The following XRCC6 variants were observed in gnomAD, a reference collection of about 807,000 sequenced individuals.
The protein encoded by XRCC6 is DNA repair protein Ku70.
Under a neutral mutation model 65.7 loss-of-function variants are expected in XRCC6, and 5 were observed. The observed-to-expected ratio is 0.08, with a 90% CI of 0.04 to 0.16. The LOEUF is 0.16. XRCC6 is among the 10% of genes least tolerant of loss of function. XRCC6 has a pLI of 1.00. For synonymous variants in XRCC6, 270 were observed against 270.6 expected, an observed-to-expected ratio of 1.00 and a Z score of 0.02; for missense variants, 447 against 738.1, an observed-to-expected ratio of 0.61 and a Z score of 4.57.
intron 8 of XRCC6, among the ~76,000 whole-genome samples, chr22:41,652,667 A>G (rs566346472): frequency 7.7e-4 from 112 of 145,036 alleles, no homozygotes; most frequent in Non-Finnish European, 8.7e-4. Flanking sequence ...CACCTGGCCA[A>G]TAATTCACTT....
chr22:41,622,270 G>C (rs1180957064), intron 2 of XRCC6, among the ~76,000 whole-genome samples, 184 bp downstream of exon 2: 1 of 152,140 alleles, frequency 6.6e-6, no homozygotes, highest in Non-Finnish European at 1.5e-5. Context: ...TCTTACTCTA[G>C]TGTGCCCTAA....
intron 8 of XRCC6, among the ~76,000 whole-genome samples, chr22:41,652,413 T>A (rs899670904): frequency 2.0e-5 from 3 of 151,376 alleles, no homozygotes; most frequent in Admixed American, 6.6e-5. Context: ...TCACCCAGGC[T>A]AGAGTCCAGT....
chr22:41,662,426 TA>T (rs758254849), intron 12 of XRCC6, among the ~76,000 whole-genome samples: 3 of 152,190 alleles, frequency 2.0e-5, no homozygotes, highest in Non-Finnish European at 4.4e-5. Context: ...CATACCAACA[TA>T]CATATTTCAG....
intron 2 of XRCC6, among the ~76,000 whole-genome samples, chr22:41,622,942 C>G (rs938838041): frequency 7.0e-6 from 1 of 143,798 alleles, no homozygotes; most frequent in African/African-American, 2.6e-5. Flanking sequence ...GAGACTCTCT[C>G]AGGAAAAAAA....
In XRCC6 at chr22:41,636,708, A is replaced by C; in HGVS notation, c.527A>C (p.His176Pro). ...IMLFTNEDNPHGNDSAKASRA... is the reference protein window; with the variant it reads ...IMLFTNEDNPPGNDSAKASRA... ...CTGTTCACCAATGAAGACAACCCCC[A>C]TGGCAATGACAGTGCCAAAGCCAGC... is the stretch of plus-strand genomic sequence containing the variant. Residue 176 changes from histidine to proline, a missense_variant, in exon 5 of 13, where the codon CAT becomes CCT. By Grantham distance (77) the His-to-Pro change is moderately conservative. This residue lies in a region of XRCC6 where 228 missense variants were observed against 307.4 expected (regional missense o/e 0.74). Transcript: ENST00000360079. 6.2e-7 allele frequency: 1 copy of C among 1,614,166 alleles called. No individual in the cohort carries two copies. Among genetic ancestry groups the C allele is most frequent in the Non-Finnish European group, 8.5e-7 (1 of 1,180,036 alleles).
At chr22:41,623,720 A>G (rs554157385) in intron 2 of XRCC6, among the ~76,000 whole-genome samples, 1 of 149,134 alleles carries the variant, frequency 6.7e-6, no homozygotes, top group African/African-American at 2.5e-5. Context: ...GATAGTGCAT[A>G]TACATTTATT....
At chr22:41,642,890 TCA>T (rs1186216204) in intron 6 of XRCC6, among the ~76,000 whole-genome samples, 1 of 152,182 alleles carries the variant, frequency 6.6e-6, no homozygotes, top group African/African-American at 2.4e-5. Flanking sequence ...CATCTGTGAG[TCA>T]CATCATGCAT....
chr22:41,650,679 C>G (rs1394458060), intron 7 of XRCC6, 44 bp from the exon 8 acceptor site: 1 of 1,596,006 alleles, frequency 6.3e-7, no homozygotes, highest in Admixed American at 1.7e-5. Context: ...TTTTGCATCT[C>G]CTCGTAGCCT....
intron 11 of XRCC6, among the ~76,000 whole-genome samples, chr22:41,659,425 C>A (rs1375899155): frequency 6.6e-6 from 1 of 151,932 alleles, no homozygotes; most frequent in Non-Finnish European, 1.5e-5. Context: ...TTAGGATGGT[C>A]TCGATCTCCT....
At chr22:41,637,882 T>G (rs1021417748) in intron 6 of XRCC6, 91 bp downstream of exon 6, 1 of 1,400,284 alleles carries the variant, frequency 7.1e-7, no homozygotes, top group Non-Finnish European at 9.5e-7. Flanking sequence ...CCCAACAGTT[T>G]GGGAGGCCAA....
chr22:41,633,140 G>A (rs1256430398), intron 3 of XRCC6, among the ~76,000 whole-genome samples: 2 of 152,014 alleles, frequency 1.3e-5, no homozygotes, highest in Non-Finnish European at 2.9e-5. Flanking sequence ...AAAAAAAAGT[G>A]TATGTAAAAT....
intron 12 of XRCC6, among the ~76,000 whole-genome samples, chr22:41,662,779 TA>T (rs1370696030): frequency 2.0e-5 from 3 of 152,196 alleles, no homozygotes; most frequent in African/African-American, 7.2e-5. Context: ...TTTTAATTTC[TA>T]TTTAAAATGA....
At chr22:41,631,260 G>T (rs955062108) in intron 3 of XRCC6, among the ~76,000 whole-genome samples, 3 of 150,332 alleles carry the variant, frequency 2.0e-5, no homozygotes, top group African/African-American at 7.3e-5. Context: ...GGCTGGCCTG[G>T]CTGGGGCTGA....
chr22:41,628,359 G>A (rs1414674728), intron 3 of XRCC6, 129 bp downstream of exon 3: 2 of 647,614 alleles, frequency 3.1e-6, no homozygotes, highest in Non-Finnish European at 5.1e-6. Flanking sequence ...AGGAGTTTGA[G>A]ACCAACCTGG....
intron 3 of XRCC6, among the ~76,000 whole-genome samples, chr22:41,633,484 C>T (rs1481306809): frequency 6.6e-6 from 1 of 151,724 alleles, no homozygotes; most frequent in Non-Finnish European, 1.5e-5. Context: ...TCACACCATT[C>T]TCCTGCCTCA....
chr22:41,650,278 A>AT (rs1000375614), intron 7 of XRCC6, among the ~76,000 whole-genome samples: 1 of 151,452 alleles, frequency 6.6e-6, no homozygotes, highest in African/African-American at 2.4e-5. Context: ...CTAATTTTTA[A>AT]TTTTTTTATA....
intron 3 of XRCC6, among the ~76,000 whole-genome samples, chr22:41,633,255 A>C (rs559386153): frequency 6.6e-6 from 1 of 152,238 alleles, no homozygotes; most frequent in Non-Finnish European, 1.5e-5. Context: ...TTGCCCCACA[A>C]TCAAAATTTC....
intron 7 of XRCC6, among the ~76,000 whole-genome samples, chr22:41,647,830 C>T (rs1281258860): frequency 6.6e-6 from 1 of 152,052 alleles, no homozygotes; most frequent in African/African-American, 2.4e-5. Context: ...GCTTCAGCCT[C>T]CTAAAGTGCT....
intron 12 of XRCC6, chr22:41,661,818 A>T (rs1406481227): frequency 6.3e-6 from 1 of 159,286 alleles, no homozygotes; most frequent in South Asian, 1.9e-4. Context: ...ACCATTCACA[A>T]TAGCCAAGAT....
Sources: gnomAD v4.1 joint callset for allele counts (sites outside exome capture counted in the v4.1 genomes callset) on GRCh38, gnomAD v4.1.1 for gene constraint, gnomAD v4.1.1 regional missense constraint, MANE v1.5 for transcripts, NCBI Gene and HGNC (gene_info 2026-07-23, HGNC 2026-07-21) for gene names.